The following OTUD7A variants were observed in gnomAD, a reference collection of about 807,000 sequenced individuals.
OTUD7A encodes the protein OTU domain-containing protein 7A.
Under a neutral mutation model 65.7 loss-of-function variants are expected in OTUD7A, and 12 were observed. That is an observed-to-expected ratio of 0.18 (90% CI 0.12 to 0.30). The LOEUF is 0.30. Among genes scored for constraint, OTUD7A ranks in the 10% least tolerant of loss-of-function variants. The pLI, the probability that OTUD7A is intolerant of heterozygous loss-of-function variation, is 1.00. For synonymous variants in OTUD7A, 641 were observed against 586.3 expected, an observed-to-expected ratio of 1.09 and a Z score of -1.35; for missense variants, 1,148 against 1,304.8, an observed-to-expected ratio of 0.88 and a Z score of 1.85.
chr15:31,525,492 G>A (rs963516193), intron 8 of OTUD7A, among the ~76,000 whole-genome samples: 3 of 152,232 alleles, frequency 2.0e-5, no homozygotes, highest in African/African-American at 7.2e-5. Context: ...GCTGGCCCAT[G>A]AGGCACTAGG....
chr15:31,749,975 A>G (rs903291837), intron 1 of OTUD7A, among the ~76,000 whole-genome samples: 1 of 152,164 alleles, frequency 6.6e-6, no homozygotes, highest in African/African-American at 2.4e-5. Context: ...TGGCCACACA[A>G]AAAAATACAA....
chr15:31,561,453 T>A (rs138218108), intron 4 of OTUD7A, among the ~76,000 whole-genome samples: 3 of 152,248 alleles, frequency 2.0e-5, no homozygotes, highest in Admixed American at 2.0e-4. Context: ...GCACCTGCAA[T>A]CGGTGGGACA....
chr15:31,493,342 A>G (rs1471378095), intron 10 of OTUD7A, among the ~76,000 whole-genome samples: 3 of 152,352 alleles, frequency 2.0e-5, no homozygotes, highest in Non-Finnish European at 4.4e-5. Context: ...AGCCATAATC[A>G]TCCTATGTGT....
At chr15:31,830,691 G>C (rs997877506) in intron 1 of OTUD7A, among the ~76,000 whole-genome samples, 3 of 152,214 alleles carry the variant, frequency 2.0e-5, no homozygotes, top group African/African-American at 7.2e-5. Flanking sequence ...AGTACACAAA[G>C]ATGTGAGCTC....
At chr15:31,692,634 G>T (rs990838824) in intron 1 of OTUD7A, among the ~76,000 whole-genome samples, 2 of 124,488 alleles carry the variant, frequency 1.6e-5, no homozygotes, top group African/African-American at 5.3e-5. Flanking sequence ...TACCATAGTA[G>T]GAAAATTATA....
At chr15:31,737,798 G>C (rs1357979713) in intron 1 of OTUD7A, among the ~76,000 whole-genome samples, 2 of 152,208 alleles carry the variant, frequency 1.3e-5, no homozygotes, top group Admixed American at 6.5e-5. Flanking sequence ...AAAGAAATTA[G>C]ACTGGATTTG....
chr15:31,603,606 A>C (rs1890146949), intron 3 of OTUD7A, among the ~76,000 whole-genome samples: 1 of 152,240 alleles, frequency 6.6e-6, no homozygotes, highest in Non-Finnish European at 1.5e-5. Flanking sequence ...GATCTAATTA[A>C]ACTAAACAGC....
chr15:31,647,771 G>A (rs563087382), intron 3 of OTUD7A, among the ~76,000 whole-genome samples: 2 of 152,136 alleles, frequency 1.3e-5, no homozygotes, highest in Non-Finnish European at 2.9e-5. Flanking sequence ...GGACTCATAC[G>A]TGCTGGGTGT....
At chr15:31,591,356 T>G (rs76455159) in intron 3 of OTUD7A, among the ~76,000 whole-genome samples, 1 of 152,274 alleles carries the variant, frequency 6.6e-6, no homozygotes, top group African/African-American at 2.4e-5. Context: ...ACAAGACATT[T>G]GCTCAGACAT....
At chr15:31,624,366 C>A (rs979596570) in intron 3 of OTUD7A, among the ~76,000 whole-genome samples, 1 of 152,140 alleles carries the variant, frequency 6.6e-6, no homozygotes, top group Non-Finnish European at 1.5e-5. Flanking sequence ...AGAATACTAT[C>A]CAAGGAGTCA....
intron 1 of OTUD7A, among the ~76,000 whole-genome samples, chr15:31,860,622 G>GATAAATATATATATAT (rs59869625): frequency 0.02 from 535 of 26,838 alleles, 30 homozygotes; most frequent in African/African-American, 0.04. Context: ...CAGAAGTGGA[G>GATAAATATATATATAT]ATATATATAT....
chr15:31,825,124 AAG>A (rs1896767796), intron 1 of OTUD7A, among the ~76,000 whole-genome samples: 1 of 152,246 alleles, frequency 6.6e-6, no homozygotes, highest in Admixed American at 6.5e-5. Flanking sequence ...TGTGCCAGGT[AAG>A]AATCACCATG....
At chr15:31,599,570 G>A (rs1261243698) in intron 3 of OTUD7A, among the ~76,000 whole-genome samples, 1 of 152,138 alleles carries the variant, frequency 6.6e-6, no homozygotes, top group African/African-American at 2.4e-5. Context: ...CCAAAAACCA[G>A]AACGCCTCTT....
At position 31,847,431 on chromosome 15, in the gene OTUD7A, G is replaced by A. The variant is rs569613988; in HGVS notation, c.-100+23076C>T. On this transcript the variant is annotated intron_variant, in intron 1 of 12. Coordinates refer to ENST00000307050, the MANE Select transcript of OTUD7A (RefSeq NM_001382637.1). ...CTTCTCGTTCCTTTACTACGAGAAG[G>A]AGGCTATTTGTAAAGGTCCCAGGTC... Among the ~76,000 whole-genome samples the A allele has an allele frequency of 4.6e-3, 708 of 152,274 alleles. 12 individuals are homozygous for A. Among genetic ancestry groups the A allele is most frequent in the Non-Finnish European group, 4.8e-3 (328 of 68,020 alleles).
intron 1 of OTUD7A, among the ~76,000 whole-genome samples, chr15:31,826,696 T>G (rs1896806151): frequency 1.3e-5 from 2 of 152,264 alleles, no homozygotes; most frequent in Admixed American, 1.3e-4. Flanking sequence ...TTTTTCAAAC[T>G]TTTAAGCTGT....
At chr15:31,815,800 TC>T (rs2140966564) in intron 1 of OTUD7A, among the ~76,000 whole-genome samples, 1 of 152,346 alleles carries the variant, frequency 6.6e-6, no homozygotes, top group African/African-American at 2.4e-5. Flanking sequence ...ATGTACGCAT[TC>T]GGTAACAATA....
At chr15:31,751,918 A>G (rs1464082423) in intron 1 of OTUD7A, among the ~76,000 whole-genome samples, 3 of 152,168 alleles carry the variant, frequency 2.0e-5, no homozygotes, top group Non-Finnish European at 4.4e-5. Flanking sequence ...GAGGGGGGCA[A>G]GGGCTGAAAA....
intron 1 of OTUD7A, among the ~76,000 whole-genome samples, chr15:31,864,226 C>T (rs546350327): frequency 2.0e-5 from 3 of 152,280 alleles, no homozygotes; most frequent in African/African-American, 7.2e-5. Context: ...TATTCTGAGC[C>T]CTCCAAACCG....
intron 1 of OTUD7A, among the ~76,000 whole-genome samples, chr15:31,731,443 G>A (rs1391350836): frequency 6.6e-6 from 1 of 152,156 alleles, no homozygotes; most frequent in Non-Finnish European, 1.5e-5. Flanking sequence ...ATGTTGCTAA[G>A]TGAAAGAAGC....
Sources: gnomAD v4.1 joint callset for allele counts (sites outside exome capture counted in the v4.1 genomes callset) on GRCh38, gnomAD v4.1.1 for gene constraint, MANE v1.5 for transcripts, NCBI Gene and HGNC (gene_info 2026-07-23, HGNC 2026-07-21) for gene names.